Variants in SYT14 observed in about 807,000 individuals in gnomAD.
The protein encoded by SYT14 is synaptotagmin 14.
In SYT14, 32 loss-of-function variants were observed where a neutral mutation model predicts 74.2. That is an observed-to-expected ratio of 0.43 (90% CI 0.33 to 0.58). The LOEUF (loss-of-function observed/expected upper bound fraction) is 0.58, where lower values mean the gene tolerates loss of function less well. SYT14 is among the 20% of genes least tolerant of loss of function. SYT14 has a pLI of 0.05. For synonymous variants in SYT14, 298 were observed against 337.7 expected, an observed-to-expected ratio of 0.88 and a Z score of 1.29; for missense variants, 791 against 981.8, an observed-to-expected ratio of 0.81 and a Z score of 2.60.
At chr1:210,102,942 C>T (rs1572303489) in intron 7 of SYT14, among the ~76,000 whole-genome samples, 3 of 152,092 alleles carry the variant, frequency 2.0e-5, no homozygotes, top group East Asian at 3.9e-4. Context: ...TCTCCCAAAA[C>T]GCTGGGATTA....
intron 2 of SYT14, among the ~76,000 whole-genome samples, chr1:209,999,772 G>T (rs973554163): frequency 3.3e-5 from 5 of 152,098 alleles, no homozygotes; most frequent in Non-Finnish European, 5.9e-5. Context: ...GTAAGGATGG[G>T]GGAATAAGAG....
At chr1:209,975,655 C>A (rs988073437) in intron 2 of SYT14, among the ~76,000 whole-genome samples, 2 of 152,122 alleles carry the variant, frequency 1.3e-5, no homozygotes, top group Non-Finnish European at 2.9e-5. Context: ...GGATATTGGT[C>A]TAAAATTCTC....
intron 5 of SYT14, among the ~76,000 whole-genome samples, chr1:210,035,178 A>T: frequency 6.6e-6 from 1 of 151,782 alleles, no homozygotes; most frequent in Admixed American, 6.6e-5. Context: ...CTGGTGTCAT[A>T]TGCTTGTTGG....
At chr1:210,047,011 T>G (rs2080897247) in intron 5 of SYT14, among the ~76,000 whole-genome samples, 1 of 152,156 alleles carries the variant, frequency 6.6e-6, no homozygotes, top group African/African-American at 2.4e-5. Context: ...CAAACCAGTC[T>G]GATTCCAGAT....
At chr1:209,944,533 T>C (rs1172301322) in intron 1 of SYT14, among the ~76,000 whole-genome samples, 1 of 152,218 alleles carries the variant, frequency 6.6e-6, no homozygotes, top group Non-Finnish European at 1.5e-5. Context: ...ATCTAGTTTA[T>C]TTTATGTGAT....
chr1:209,945,100 G>A (rs1478971772), intron 1 of SYT14, among the ~76,000 whole-genome samples: 2 of 152,056 alleles, frequency 1.3e-5, no homozygotes, highest in African/African-American at 2.4e-5. Flanking sequence ...CTTGGTTTCA[G>A]AATCCTTGGC....
chr1:209,945,967 ATTC>A (rs1400451595), intron 1 of SYT14, among the ~76,000 whole-genome samples: 1 of 152,046 alleles, frequency 6.6e-6, no homozygotes, highest in African/African-American at 2.4e-5. Flanking sequence ...CGTTTTGGTA[ATTC>A]TTGTTATATT....
intron 5 of SYT14, among the ~76,000 whole-genome samples, chr1:210,037,806 A>G (rs913349491): frequency 6.6e-6 from 1 of 151,956 alleles, no homozygotes; most frequent in African/African-American, 2.4e-5. Flanking sequence ...AAGATATTTG[A>G]TATGATTTTG....
At chr1:210,021,761 T>C (rs906658533) in intron 5 of SYT14, among the ~76,000 whole-genome samples, 3 of 152,208 alleles carry the variant, frequency 2.0e-5, no homozygotes, top group Non-Finnish European at 2.9e-5. Flanking sequence ...GAGATGAATT[T>C]ATTGAGAGCT....
rs555445138 is a variant in SYT14, at chr1:210,032,921, T to C, written c.1312+11667T>C. On this transcript the variant is annotated intron_variant, in intron 5 of 9. Coordinates refer to ENST00000637265, the Ensembl canonical transcript of SYT14. ...TTTGTTCATAGTACTCCCCAAATTA[T>C]TGCATTTTCAATTTTTTTTTTGCCT... Among the ~76,000 whole-genome samples the C allele has an allele frequency of 2.6e-4, 39 of 151,768 alleles. 2 individuals are homozygous for C. The South Asian group carries it at 5.6e-3, about 22-fold the overall frequency.
At chr1:210,158,743 G>T (rs1159089915) in intron 8 of SYT14, among the ~76,000 whole-genome samples, 1 of 152,074 alleles carries the variant, frequency 6.6e-6, no homozygotes, top group East Asian at 1.9e-4. Flanking sequence ...TAGGTGGGAG[G>T]TAACTAGAAA....
chr1:209,978,591 C>T (rs1014057042), intron 2 of SYT14, among the ~76,000 whole-genome samples: 5 of 152,102 alleles, frequency 3.3e-5, no homozygotes, highest in Non-Finnish European at 7.4e-5. Context: ...AGTACCTGGC[C>T]GTGTGAGGTG....
At chr1:210,026,787 TAA>T (rs1395793301) in intron 5 of SYT14, among the ~76,000 whole-genome samples, 2 of 109,544 alleles carry the variant, frequency 1.8e-5, no homozygotes, top group Non-Finnish European at 3.4e-5. Flanking sequence ...ATTTAATATT[TAA>T]GAGTAATAGA....
chr1:210,098,012 A>G (rs1302736916), intron 6 of SYT14, among the ~76,000 whole-genome samples: 1 of 152,094 alleles, frequency 6.6e-6, no homozygotes, highest in African/African-American at 2.4e-5. Context: ...TGTCTCTACT[A>G]AAAATCAAAA....
intron 5 of SYT14, among the ~76,000 whole-genome samples, chr1:210,052,840 C>T (rs1279828202): frequency 4.6e-5 from 7 of 151,792 alleles, no homozygotes; most frequent in African/African-American, 1.7e-4. Flanking sequence ...AAAAATAGTT[C>T]CATATACCCA....
intron 5 of SYT14, among the ~76,000 whole-genome samples, chr1:210,088,984 T>G (rs1288376334): frequency 6.6e-6 from 1 of 151,046 alleles, no homozygotes; most frequent in Non-Finnish European, 1.5e-5. Context: ...CAACCGTCAA[T>G]CTATCATCTA....
At position 210,135,373 on chromosome 1, in the gene SYT14, T is replaced by C. The variant is rs368076405; in HGVS notation, c.2035-20348T>C. 2.9e-4 allele frequency among the ~76,000 whole-genome samples: 44 copies of C among 152,332 alleles called. 1 individual carries two copies. In the South Asian group the frequency reaches 8.5e-3, roughly 29 times the overall value. On this transcript the variant is annotated intron_variant, in intron 7 of 9. Coordinates refer to ENST00000637265, the Ensembl canonical transcript of SYT14. Reference sequence around the variant, plus strand: ...GATCTTGTCCTGTGCAATGTCTATGTTGGTAATCCAGTCCAGTGTATTTCT... The same window carrying C: ...GATCTTGTCCTGTGCAATGTCTATGCTGGTAATCCAGTCCAGTGTATTTCT...
intron 7 of SYT14, among the ~76,000 whole-genome samples, chr1:210,152,407 TGTTA>T (rs1368166243): frequency 1.3e-4 from 20 of 152,354 alleles, no homozygotes; most frequent in Non-Finnish European, 2.6e-4. Context: ...TAGGGAATAC[TGTTA>T]GTGTCTTTTT....
chr1:210,108,606 A>C (rs1189994771), intron 7 of SYT14, among the ~76,000 whole-genome samples: 1 of 151,796 alleles, frequency 6.6e-6, no homozygotes. Flanking sequence ...GCATGTTTAA[A>C]TACTAATGCA....
Sources: gnomAD v4.1 joint callset for allele counts (sites outside exome capture counted in the v4.1 genomes callset) on GRCh38, gnomAD v4.1.1 for gene constraint, MANE v1.5 for transcripts, NCBI Gene and HGNC (gene_info 2026-07-23, HGNC 2026-07-21) for gene names.